Variants in RGMA observed in about 807,000 individuals in gnomAD.
RGMA encodes repulsive guidance molecule BMP co-receptor a.
In RGMA, 10 loss-of-function variants were observed where a neutral mutation model predicts 23.2. That is an observed-to-expected ratio of 0.43 (90% CI 0.27 to 0.73). RGMA has a LOEUF of 0.73. RGMA is among the 30% of genes least tolerant of loss of function. The pLI, the probability that RGMA is intolerant of heterozygous loss-of-function variation, is 0.20. For missense variants in RGMA, 547 were observed against 630.5 expected (o/e 0.87, Z 1.42); for synonymous variants, 308 against 279.3 (o/e 1.10, Z -1.03).
rs971831835 is a variant in RGMA, at chr15:93,044,625, C to T, written c.*373G>A. On this transcript the variant is annotated 3_prime_UTR_variant, in exon 4 of 4. Coordinates refer to ENST00000329082, the MANE Select transcript of RGMA (RefSeq NM_020211.3). Reference sequence around the variant, plus strand: ...GCCCCACGGATCGGCGAGCAGCAGTCGGCCGGGCCTTTCAGTGCATTGCGA... The same window carrying T: ...GCCCCACGGATCGGCGAGCAGCAGTTGGCCGGGCCTTTCAGTGCATTGCGA... The T allele has an allele frequency of 1.4e-5, 4 of 289,272 alleles. No homozygotes were observed. Among genetic ancestry groups the T allele is most frequent in the South Asian group, 5.1e-5 (1 of 19,634 alleles). 17.9% of individuals were successfully genotyped at this position (289,272 alleles called of 1,614,324 possible). A position where few individuals can be genotyped will look rare whatever the true frequency, so the allele number is the denominator to read the frequency against.
chr15:93,077,236 G>A (rs1373771830), intron 1 of RGMA, among the ~76,000 whole-genome samples: 1 of 152,202 alleles, frequency 6.6e-6, no homozygotes, highest in Non-Finnish European at 1.5e-5. Flanking sequence ...CCTCAAGAAG[G>A]GGAGGGATTT....
chr15:93,066,019 T>A, intron 2 of RGMA: 1 of 1,436,454 alleles, frequency 7.0e-7, no homozygotes, highest in Non-Finnish European at 9.7e-7. Flanking sequence ...TCTGCCAGGT[T>A]CTGTCCCCGC....
intron 2 of RGMA, among the ~76,000 whole-genome samples, chr15:93,065,106 T>C (rs1895099235): frequency 6.6e-6 from 1 of 152,192 alleles, no homozygotes; most frequent in Middle Eastern, 3.4e-3. Context: ...GCCTCCTGAG[T>C]AGCTGGGATT....
chr15:93,073,774 T>A, intron 1 of RGMA: 1 of 1,536,904 alleles, frequency 6.5e-7, no homozygotes, highest in Non-Finnish European at 8.7e-7. Context: ...GGGTTTGGCC[T>A]GCCTCCAGCA....
At chr15:93,068,105 T>C (rs1895215377) in intron 2 of RGMA, among the ~76,000 whole-genome samples, 1 of 152,204 alleles carries the variant, frequency 6.6e-6, no homozygotes, top group African/African-American at 2.4e-5. Context: ...CTAACTGTCC[T>C]GGTGTGCCAG....
At chr15:93,046,776 G>A (rs1476504331) in intron 3 of RGMA, among the ~76,000 whole-genome samples, 1 of 152,206 alleles carries the variant, frequency 6.6e-6, no homozygotes, top group Admixed American at 6.5e-5. Flanking sequence ...GTAAAAGGGA[G>A]ATGGAGGTTC....
At chr15:93,073,307 C>A in intron 1 of RGMA, 1 of 503,684 alleles carries the variant, frequency 2.0e-6, no homozygotes, top group Non-Finnish European at 2.6e-6. Flanking sequence ...TAGCCGGAGG[C>A]GGCCGGGCGG....
intron 2 of RGMA, among the ~76,000 whole-genome samples, chr15:93,056,959 TGG>T (rs1177756414): frequency 1.3e-5 from 2 of 152,092 alleles, no homozygotes; most frequent in Non-Finnish European, 2.9e-5. Context: ...GTCACAGACT[TGG>T]GGGACAGGAG....
At chr15:93,051,972 C>G (rs778970428) in intron 3 of RGMA, 21 bp downstream of exon 3, 1 of 1,569,296 alleles carries the variant, frequency 6.4e-7, no homozygotes, top group East Asian at 2.3e-5. Context: ...CTGTGCCCTA[C>G]AGCCGCCCCC....
intron 3 of RGMA, 39 bp downstream of exon 3, chr15:93,051,954 G>A: frequency 1.9e-6 from 3 of 1,542,110 alleles, no homozygotes; most frequent in Non-Finnish European, 2.6e-6. Flanking sequence ...CAGAGACAAA[G>A]GGCAGGGCTG....
chr15:93,046,160 G>A (rs959830125), intron 3 of RGMA, among the ~76,000 whole-genome samples: 1 of 152,190 alleles, frequency 6.6e-6, no homozygotes. Flanking sequence ...ACACTGAGAT[G>A]AAGAGATTAT....
chr15:93,079,747 T>C (rs867055276), intron 1 of RGMA, among the ~76,000 whole-genome samples: 9 of 151,936 alleles, frequency 5.9e-5, no homozygotes, highest in South Asian at 2.1e-4. Context: ...TTGAACCCAG[T>C]AGGCGGAGGT....
intron 3 of RGMA, among the ~76,000 whole-genome samples, chr15:93,051,213 C>T (rs150219434): frequency 5.9e-5 from 9 of 152,224 alleles, no homozygotes; most frequent in Non-Finnish European, 1.3e-4. Flanking sequence ...CCTCGCTGTC[C>T]TCCTCTGGGT....
chr15:93,071,932 G>A (rs188493045), intron 2 of RGMA, among the ~76,000 whole-genome samples: 1 of 152,348 alleles, frequency 6.6e-6, no homozygotes, highest in African/African-American at 2.4e-5. Flanking sequence ...TGCGCCGGGG[G>A]GGCCATTTGG....
intron 1 of RGMA, 45 bp downstream of exon 1, chr15:93,088,874 G>A: frequency 6.7e-7 from 1 of 1,489,018 alleles, no homozygotes; most frequent in East Asian, 2.9e-5. Flanking sequence ...GCGGCGCCTC[G>A]GAGATGTCAG....
At chr15:93,080,189 T>C (rs544511479) in intron 1 of RGMA, among the ~76,000 whole-genome samples, 1 of 152,186 alleles carries the variant, frequency 6.6e-6, no homozygotes, top group African/African-American at 2.4e-5. Context: ...ATTCCAAAAT[T>C]TTAATGGGTT....
rs371382833 is a variant in RGMA at position 93,051,930 on chromosome 15, G to A, written c.645+63C>T. On this transcript the variant is annotated intron_variant, in intron 3 of 3. Coordinates refer to ENST00000329082, the MANE Select transcript of RGMA (RefSeq NM_020211.3). The stretch of plus-strand genomic sequence containing the variant: ...CACCCGAGGCCCTCTCAGCCTCTCA[G>A]TGTCCACGCAGGGCAGAGACAAAGG... The A allele has an allele frequency of 8.2e-4, 1,218 of 1,482,204 alleles. 20 individuals are homozygous for A. In the South Asian group the frequency reaches 0.014, roughly 17 times the overall value. 91.8% of individuals were successfully genotyped at this position (1,482,204 alleles called of 1,614,324 possible).
At chr15:93,084,913 G>C (rs77905606) in intron 1 of RGMA, among the ~76,000 whole-genome samples, 11,563 of 152,184 alleles carry the variant, frequency 0.076, 929 homozygotes, top group East Asian at 0.45. Flanking sequence ...AGTAATGTGA[G>C]GGATGTGTAG....
intron 3 of RGMA, among the ~76,000 whole-genome samples, chr15:93,050,346 C>T (rs930707173): frequency 6.6e-6 from 1 of 152,330 alleles, no homozygotes; most frequent in East Asian, 1.9e-4. Flanking sequence ...CAGCCACCGA[C>T]GTTCTCACCG....
Sources: gnomAD v4.1 joint callset for allele counts (sites outside exome capture counted in the v4.1 genomes callset) on GRCh38, gnomAD v4.1.1 for gene constraint, MANE v1.5 for transcripts, NCBI Gene and HGNC (gene_info 2026-07-23, HGNC 2026-07-21) for gene names.